The following DIP2B variants were observed in gnomAD, a reference collection of about 807,000 sequenced individuals.
DIP2B encodes DIP2 acetate--CoA ligase B (putative).
DIP2B carries 76 observed loss-of-function variants against 198.0 expected under a neutral mutation model. That is an observed-to-expected ratio of 0.38 (90% CI 0.32 to 0.46). DIP2B has a LOEUF of 0.46. Among genes scored for constraint, DIP2B ranks in the 20% least tolerant of loss-of-function variants. DIP2B has a pLI of 0.99. For synonymous variants in DIP2B, 701 were observed against 739.1 expected (o/e 0.95, Z 0.84); for missense variants, 1,559 against 1,978.4 (o/e 0.79, Z 4.02).
rs760666059 is a variant in DIP2B, at chr12:50,680,658, T to C, written c.1115-14T>C. 1.4e-5 allele frequency: 23 copies of C among 1,607,708 alleles called. No homozygotes were observed. The highest frequency in any genetic ancestry group is 3.4e-5 in the South Asian group (3 of 88,998). The stretch of plus-strand genomic sequence containing the variant: ...TTTCTATATGACTGTTGTTTTTTTT[T>C]CCTTTTTTTCCAGGAAAGTTGTGGA... On this transcript the variant is annotated splice_polypyrimidine_tract_variant and intron_variant, in intron 8 of 37. Coordinates refer to ENST00000301180, the MANE Select transcript of DIP2B (RefSeq NM_173602.3).
rs773199947 is a variant in DIP2B, at chr12:50,741,436, G to A, written c.4375G>A (p.Val1459Met). 6.2e-7 allele frequency: 1 copy of A among 1,614,042 alleles called. No individual in the cohort carries two copies. The highest frequency in any genetic ancestry group is 8.5e-7 in the Non-Finnish European group (1 of 1,180,016). ...GTCAGAGCGTCATGATGCATTGTAT[G>A]TGGTGGGAGCGCTGGATGAAACACT... ...ATGERHDALY[V>M]VGALDETLEL... The change falls in exon 37 of 38, where the codon GTG becomes ATG. Residue 1459 changes from valine to methionine, a missense_variant. Transcript: ENST00000301180.
intron 26 of DIP2B, among the ~76,000 whole-genome samples, chr12:50,722,686 G>A (rs1565882349): frequency 6.6e-6 from 1 of 152,156 alleles, no homozygotes; most frequent in Non-Finnish European, 1.5e-5. Flanking sequence ...GAGAGGCCAC[G>A]GGGAAGGACC....
rs1162951595 is a variant in DIP2B, at chr12:50,554,387, CT to C, written c.100+49151del. 4.0e-5 allele frequency among the ~76,000 whole-genome samples: 6 copies of C among 151,816 alleles called. No homozygotes were observed. The South Asian group carries it at 1.0e-3, about 26-fold the overall frequency. On this transcript the variant is annotated intron_variant, in intron 1 of 37. Transcript: ENST00000301180. ...TCATGTGGTATACTTTTATTTTTTT[CT>C]TTTCTGCTTAGATTTTGTTTTCTCT...
intron 2 of DIP2B, among the ~76,000 whole-genome samples, chr12:50,638,949 A>G (rs1308581540): frequency 6.6e-6 from 1 of 152,038 alleles, no homozygotes; most frequent in Non-Finnish European, 1.5e-5. Context: ...TTCAAGGAAC[A>G]TTCCTGTGAG....
Position 50,683,260 on chromosome 12 carries a change from A to G in DIP2B, c.1317+12A>G. The G allele has an allele frequency of 1.3e-6, 2 of 1,598,620 alleles. No homozygotes were observed. Among genetic ancestry groups the G allele is most frequent in the Non-Finnish European group, 1.7e-6 (2 of 1,169,802 alleles). ...CTCTTACCAGAAAGGTAACATTGCT[A>G]AATTTAAGAGGAATGTAGCCTGATG... On this transcript the variant is annotated intron_variant, in intron 10 of 37. Coordinates refer to ENST00000301180, the MANE Select transcript of DIP2B (RefSeq NM_173602.3).
intron 1 of DIP2B, among the ~76,000 whole-genome samples, chr12:50,528,475 C>G (rs895670285): frequency 6.6e-6 from 1 of 151,518 alleles, no homozygotes; most frequent in African/African-American, 2.4e-5. Context: ...AGTATAGTGT[C>G]TGGCACACAG....
At chr12:50,723,178 C>T in intron 26 of DIP2B, 24 bp from the exon 27 acceptor site, 1 of 1,613,614 alleles carries the variant, frequency 6.2e-7, no homozygotes, top group South Asian at 1.1e-5. Context: ...AGTGACTCTC[C>T]TGACAGGGTC....
rs80185744 is a variant in DIP2B, at chr12:50,710,013, A to G, written c.2649+1451A>G. Among the ~76,000 whole-genome samples the G allele has an allele frequency of 7.8e-3, 1,193 of 152,332 alleles. 15 individuals carry two copies. Among genetic ancestry groups the G allele is most frequent in the African/African-American group, 0.027 (1,114 of 41,582 alleles). On this transcript the variant is annotated intron_variant, in intron 22 of 37. Coordinates refer to ENST00000301180, the MANE Select transcript of DIP2B (RefSeq NM_173602.3). ...TAAAAGATTGTAAGAATAGTCTCCA[A>G]TTAGAGAGGACCACTTCCTCTCAAT...
intron 1 of DIP2B, among the ~76,000 whole-genome samples, chr12:50,515,735 T>G (rs1234966968): frequency 6.6e-6 from 1 of 152,210 alleles, no homozygotes. Flanking sequence ...GCCCAGGGCT[T>G]CAGCTGTCAT....
At chr12:50,555,195 A>G (rs1252956464) in intron 1 of DIP2B, among the ~76,000 whole-genome samples, 3 of 152,110 alleles carry the variant, frequency 2.0e-5, no homozygotes, top group African/African-American at 7.2e-5. Flanking sequence ...CTGTAGGGTG[A>G]GGAAAAGACA....
chr12:50,661,105 A>G (rs1938638636), intron 4 of DIP2B, among the ~76,000 whole-genome samples: 1 of 151,686 alleles, frequency 6.6e-6, no homozygotes, highest in Non-Finnish European at 1.5e-5. Context: ...TTTTTTTTGA[A>G]CTTCTCTAGT....
At chr12:50,525,715 G>A (rs544292984) in intron 1 of DIP2B, among the ~76,000 whole-genome samples, 1 of 152,092 alleles carries the variant, frequency 6.6e-6, no homozygotes, top group South Asian at 2.1e-4. Context: ...ATCTCACTCT[G>A]TTGCCCAGAC....
intron 13 of DIP2B, among the ~76,000 whole-genome samples, chr12:50,692,356 A>C (rs1238451425): frequency 1.3e-5 from 2 of 152,028 alleles, no homozygotes; most frequent in Non-Finnish European, 2.9e-5. Context: ...CAAACTTCCC[A>C]AGTTTCTAAA....
Position 50,718,770 on chromosome 12 carries a change from T to C in DIP2B, c.2913T>C (p.Ala971=), listed in dbSNP as rs556794110. 6.8e-6 allele frequency: 11 copies of C among 1,614,220 alleles called. No homozygotes were observed. The highest frequency in any genetic ancestry group is 1.6e-4 in the Middle Eastern group (1 of 6,062). The change falls in exon 24 of 38, where the codon GCT becomes GCC. Residue 971 remains alanine, a synonymous_variant. Coordinates refer to ENST00000301180, the MANE Select transcript of DIP2B (RefSeq NM_173602.3). ...NLVAGKRIAQ[A]AGRDLGQIEE... ...TTGCTGGAAAACGTATAGCACAAGC[T>C]GCTGGAAGGGATCTGGGACAAATAG...
intron 22 of DIP2B, among the ~76,000 whole-genome samples, chr12:50,711,297 G>A (rs118128842): frequency 0.033 from 4,990 of 152,266 alleles, 106 homozygotes; most frequent in Non-Finnish European, 0.054. Context: ...TTCCAGGTCC[G>A]TGTATAACAT....
intron 1 of DIP2B, among the ~76,000 whole-genome samples, chr12:50,598,899 C>T (rs1166709305): frequency 1.0e-3 from 36 of 34,494 alleles, no homozygotes; most frequent in African/African-American, 4.1e-3. Flanking sequence ...TCTCCCCCCT[C>T]TCCTATCCTT....
rs577086999 is a variant in DIP2B, at chr12:50,744,051, G to T, written c.4479-536G>T. ...GAGTCTCACTCTGTTGCCCAGGCTG[G>T]AGTGTAGTGGCGCAAACTTGGCTCA... On this transcript the variant is annotated intron_variant, in intron 37 of 37. Transcript: ENST00000301180. 2.0e-5 allele frequency among the ~76,000 whole-genome samples: 3 copies of T among 152,310 alleles called. No homozygotes were observed. The East Asian group carries it at 5.8e-4, about 29-fold the overall frequency.
At chr12:50,636,870 G>C (rs993809468) in intron 2 of DIP2B, among the ~76,000 whole-genome samples, 1 of 152,132 alleles carries the variant, frequency 6.6e-6, no homozygotes, top group Non-Finnish European at 1.5e-5. Flanking sequence ...TACAGACCTG[G>C]AGCTCCCAAC....
At chr12:50,617,196 C>T (rs562657160) in intron 1 of DIP2B, among the ~76,000 whole-genome samples, 1 of 151,204 alleles carries the variant, frequency 6.6e-6, no homozygotes, top group African/African-American at 2.4e-5. Flanking sequence ...CGCTCTGTCA[C>T]CTAGGCTGGA....
Sources: allele counts gnomAD v4.1 joint callset (sites outside exome capture counted in the v4.1 genomes callset), GRCh38; gene constraint gnomAD v4.1.1; transcripts MANE v1.5; gene names NCBI Gene and HGNC (gene_info 2026-07-23, HGNC 2026-07-21).